The following ANKRD11 variants were observed in gnomAD, a reference collection of about 807,000 sequenced individuals.
ANKRD11 encodes ankyrin repeat domain-containing protein 11.
ANKRD11 carries 17 observed loss-of-function variants against 195.7 expected under a neutral mutation model. That is an observed-to-expected ratio of 0.09 (90% CI 0.06 to 0.13). ANKRD11 has a LOEUF of 0.13. Ranked by LOEUF, ANKRD11 falls within the 10% of genes least tolerant of loss-of-function variation. ANKRD11 has a pLI of 1.00. For missense variants in ANKRD11, 3,735 were observed against 3,566.1 expected (o/e 1.05, Z -1.21); for synonymous variants, 1,953 against 1,528.1 (o/e 1.28, Z -6.49).
At chr16:89,369,916 AAAAC>A (rs1339932046) in intron 2 of ANKRD11, among the ~76,000 whole-genome samples, 2 of 152,174 alleles carry the variant, frequency 1.3e-5, no homozygotes, top group African/African-American at 4.8e-5. Context: ...ATCTCAGAAG[AAAAC>A]AAACAAAAAC....
intron 1 of ANKRD11, among the ~76,000 whole-genome samples, chr16:89,431,045 G>C (rs992162676): frequency 2.6e-5 from 4 of 152,018 alleles, no homozygotes; most frequent in Admixed American, 6.6e-5. Context: ...ACTCAACCCT[G>C]CTTCCAGAAG....
chr16:89,457,490 C>A (rs1194228828), intron 1 of ANKRD11, among the ~76,000 whole-genome samples: 2 of 149,088 alleles, frequency 1.3e-5, no homozygotes, highest in Non-Finnish European at 3.0e-5. Flanking sequence ...CCCAGCTACT[C>A]GGGAGGCTAG....
chr16:89,446,708 C>A (rs1355909182), intron 1 of ANKRD11, among the ~76,000 whole-genome samples: 2 of 152,178 alleles, frequency 1.3e-5, no homozygotes, highest in African/African-American at 2.4e-5. Context: ...GGACCCTGGA[C>A]ACACAATGAC....
intron 2 of ANKRD11, among the ~76,000 whole-genome samples, chr16:89,395,404 C>T (rs1284423800): frequency 6.6e-6 from 1 of 152,236 alleles, no homozygotes; most frequent in African/African-American, 2.4e-5. Context: ...CCGCTTGCTA[C>T]TGGCATGCAA....
rs770271628 is a variant in ANKRD11, at chr16:89,291,004, C to T, written c.397+9G>A. On this transcript the variant is annotated intron_variant, in intron 5 of 12. Transcript: ENST00000301030. The surrounding 1 kb of genome is among the most constrained non-coding windows in gnomAD (Gnocchi z 5.3). ...CCTGCGCCAGGGACCACCCACAGGC[C>T]GGGCTCACCTGGGCTGTTGGCAGAC... The T allele has an allele frequency of 3.1e-5, 50 of 1,610,676 alleles. No individual in the cohort carries two copies. Among genetic ancestry groups the T allele is most frequent in the African/African-American group, 1.3e-4 (10 of 74,868 alleles).
At chr16:89,399,609 C>T (rs1014112735) in intron 2 of ANKRD11, among the ~76,000 whole-genome samples, 1 of 152,078 alleles carries the variant, frequency 6.6e-6, no homozygotes, top group African/African-American at 2.4e-5. Flanking sequence ...TACGTTCATC[C>T]AACCATAGAC....
chr16:89,453,746 C>A (rs773248605), intron 1 of ANKRD11, among the ~76,000 whole-genome samples: 1 of 152,180 alleles, frequency 6.6e-6, no homozygotes, highest in African/African-American at 2.4e-5. Flanking sequence ...CCGGATGCCA[C>A]TGACCTGTCC....
intron 3 of ANKRD11, among the ~76,000 whole-genome samples, chr16:89,308,669 A>T (rs1181633118): frequency 3.3e-5 from 5 of 152,226 alleles, no homozygotes; most frequent in Non-Finnish European, 7.3e-5. Flanking sequence ...TGACGTGTTC[A>T]CAAACAAGCA....
chr16:89,482,266 G>A (rs1230935211), intron 1 of ANKRD11, among the ~76,000 whole-genome samples: 1 of 152,182 alleles, frequency 6.6e-6, no homozygotes, highest in African/African-American at 2.4e-5. Context: ...AAAGCAGTCA[G>A]GTGAGCCACA....
intron 1 of ANKRD11, among the ~76,000 whole-genome samples, chr16:89,427,458 T>C (rs1473324409): frequency 3.3e-5 from 5 of 152,236 alleles, no homozygotes; most frequent in African/African-American, 1.2e-4. Context: ...TACAGAACTA[T>C]ACAACTTTTT....
At chr16:89,444,897 G>C (rs1290174996) in intron 1 of ANKRD11, among the ~76,000 whole-genome samples, 1 of 152,216 alleles carries the variant, frequency 6.6e-6, no homozygotes, top group Non-Finnish European at 1.5e-5. Context: ...CTTAAGCTCA[G>C]GGAACCACCA....
chr16:89,440,858 C>T (rs781578921), intron 1 of ANKRD11, among the ~76,000 whole-genome samples: 17 of 152,172 alleles, frequency 1.1e-4, no homozygotes, highest in Non-Finnish European at 1.8e-4. Flanking sequence ...TGTGGCAATG[C>T]GTGTGAGTGC....
At chr16:89,350,914 T>C (rs1193134083) in intron 2 of ANKRD11, among the ~76,000 whole-genome samples, 1 of 152,186 alleles carries the variant, frequency 6.6e-6, no homozygotes, top group Non-Finnish European at 1.5e-5. Flanking sequence ...CTTTCCACGA[T>C]TCAGCAGGGT....
chr16:89,461,795 T>A (rs1383629643), intron 1 of ANKRD11, among the ~76,000 whole-genome samples: 1 of 152,190 alleles, frequency 6.6e-6, no homozygotes, highest in Non-Finnish European at 1.5e-5. Context: ...CTATGGTCAT[T>A]CCCATTAAAA....
intron 2 of ANKRD11, among the ~76,000 whole-genome samples, chr16:89,395,455 G>A (rs147429916): frequency 1.3e-5 from 2 of 152,242 alleles, no homozygotes; most frequent in South Asian, 2.1e-4. Context: ...CCAGCCCACG[G>A]CTGGGACACG....
chr16:89,394,902 C>T (rs1331748300), intron 2 of ANKRD11, among the ~76,000 whole-genome samples: 1 of 152,154 alleles, frequency 6.6e-6, no homozygotes, highest in East Asian at 1.9e-4. Flanking sequence ...AAGCCTAAAG[C>T]TTTGTTTGCA....
intron 3 of ANKRD11, among the ~76,000 whole-genome samples, chr16:89,312,199 G>A (rs1348072257): frequency 6.6e-6 from 1 of 152,210 alleles, no homozygotes; most frequent in Admixed American, 6.5e-5. Flanking sequence ...CACCTGGCCA[G>A]GAACTTCCAC....
chr16:89,404,506 T>C (rs1371821891), intron 2 of ANKRD11, among the ~76,000 whole-genome samples: 3 of 152,208 alleles, frequency 2.0e-5, no homozygotes, highest in Non-Finnish European at 2.9e-5. Flanking sequence ...CTCCAGAAAA[T>C]GAGCCAACAG....
chr16:89,343,136 G>A (rs1328834303), intron 2 of ANKRD11, among the ~76,000 whole-genome samples: 1 of 152,172 alleles, frequency 6.6e-6, no homozygotes, highest in Non-Finnish European at 1.5e-5. Context: ...TTACAGGTGT[G>A]TGCCACCACG....
Sources: allele counts gnomAD v4.1 joint callset (sites outside exome capture counted in the v4.1 genomes callset), GRCh38; gene constraint gnomAD v4.1.1; non-coding constraint Gnocchi (gnomAD v3.1); transcripts MANE v1.5; gene names NCBI Gene and HGNC (gene_info 2026-07-23, HGNC 2026-07-21).